EIF2S1: variants seen among roughly 807,000 people sequenced by gnomAD.
The protein encoded by EIF2S1 is eukaryotic translation initiation factor 2 subunit alpha.
A neutral mutation model predicts 33.5 loss-of-function variants in EIF2S1; 5 were observed. The ratio of observed to expected loss-of-function variants is 0.15; its 90% CI spans 0.08 to 0.31. EIF2S1 has a LOEUF of 0.31. Among genes scored for constraint, EIF2S1 ranks in the 10% least tolerant of loss-of-function variants. The pLI, the probability that EIF2S1 is intolerant of heterozygous loss-of-function variation, is 1.00. For synonymous variants in EIF2S1, 99 were observed against 127.5 expected, an observed-to-expected ratio of 0.78 and a Z score of 1.51; for missense variants, 191 against 384.6, an observed-to-expected ratio of 0.50 and a Z score of 4.21.
intron 1 of EIF2S1, chr14:67,364,383 T>G (rs545589627): frequency 6.2e-6 from 1 of 162,504 alleles, no homozygotes; most frequent in East Asian, 1.8e-4. Context: ...AAGAGTAGCT[T>G]TAGTTTTCTG....
At chr14:67,378,879 C>A (rs899012107) in intron 4 of EIF2S1, among the ~76,000 whole-genome samples, 7 of 152,186 alleles carry the variant, frequency 4.6e-5, no homozygotes, top group African/African-American at 1.7e-4. Flanking sequence ...TCAGTGATAA[C>A]CACTATTCTG....
intron 2 of EIF2S1, among the ~76,000 whole-genome samples, chr14:67,367,248 G>A (rs2085785538): frequency 6.6e-6 from 1 of 151,830 alleles, no homozygotes; most frequent in Admixed American, 6.5e-5. Context: ...CTCTTTTTTT[G>A]GGGGATGGAG....
At chr14:67,378,332 T>TG in intron 4 of EIF2S1, among the ~76,000 whole-genome samples, 1 of 150,712 alleles carries the variant, frequency 6.6e-6, no homozygotes, top group African/African-American at 2.4e-5. Context: ...TTTTTTTTTT[T>TG]TTTTTGGTAT....
At chr14:67,381,530 T>C in intron 5 of EIF2S1, 63 bp from the exon 6 acceptor site, 1 of 1,331,850 alleles carries the variant, frequency 7.5e-7, no homozygotes, top group Non-Finnish European at 1.1e-6. Context: ...CGTGTTTGAT[T>C]TCCTTTAAAC....
At chr14:67,371,231 T>C (rs925994719) in intron 2 of EIF2S1, among the ~76,000 whole-genome samples, 4 of 151,810 alleles carry the variant, frequency 2.6e-5, no homozygotes, top group Non-Finnish European at 5.9e-5. Flanking sequence ...CCTGGCAATA[T>C]AGGGAGACCC....
At chr14:67,368,226 C>T (rs923884387) in intron 2 of EIF2S1, among the ~76,000 whole-genome samples, 3 of 152,152 alleles carry the variant, frequency 2.0e-5, no homozygotes, top group African/African-American at 7.2e-5. Context: ...TTGCAGTTGG[C>T]TAGTTTGAAT....
chr14:67,380,715 T>A lies in EIF2S1; in HGVS notation c.530T>A (p.Ile177Asn). The A allele has an allele frequency of 6.3e-7, 1 of 1,586,014 alleles. No individual in the cohort carries two copies. The highest frequency in any genetic ancestry group is 8.6e-7 in the Non-Finnish European group (1 of 1,168,946). ...AATGAAGATGAACGGGAAGTACTCATTAATAATATTAATAGGCGCTTGACC... is the reference window on the plus strand; with the variant it reads ...AATGAAGATGAACGGGAAGTACTCAATAATAATATTAATAGGCGCTTGACC... ...DLNEDEREVL[I>N]NNINRRLTPQ... The change falls in exon 5 of 8, where the codon ATT (isoleucine) becomes AAT (asparagine). Residue 177 changes from isoleucine to asparagine, a missense_variant. Coordinates refer to ENST00000256383, the MANE Select transcript of EIF2S1 (RefSeq NM_004094.5).
intron 4 of EIF2S1, 68 bp downstream of exon 4, chr14:67,376,658 T>C: frequency 1.3e-6 from 2 of 1,522,956 alleles, no homozygotes; most frequent in Non-Finnish European, 1.8e-6. Flanking sequence ...TTTAACAGCA[T>C]AGCATCCATG....
intron 1 of EIF2S1, among the ~76,000 whole-genome samples, chr14:67,362,048 CAG>C (rs2085746322): frequency 7.3e-6 from 1 of 136,592 alleles, no homozygotes; most frequent in South Asian, 2.4e-4. Flanking sequence ...TTTTTTGAGA[CAG>C]AGTCTCTGTT....
At chr14:67,376,153 C>T (rs1410580895) in intron 3 of EIF2S1, among the ~76,000 whole-genome samples, 1 of 130,546 alleles carries the variant, frequency 7.7e-6, no homozygotes, top group Non-Finnish European at 1.5e-5. Flanking sequence ...TATATTTGAT[C>T]TATGCGAGCA....
intron 3 of EIF2S1, 29 bp from the exon 4 acceptor site, chr14:67,376,410 A>T: frequency 6.4e-7 from 1 of 1,556,462 alleles, no homozygotes; most frequent in Non-Finnish European, 8.7e-7. Flanking sequence ...CTTATCTTTG[A>T]ATTGTTGAGC....
In EIF2S1 at chr14:67,364,662, AT is replaced by A. The variant is rs1188750151; in HGVS notation, c.-1-98del. On this transcript the variant is annotated intron_variant, in intron 1 of 7. Coordinates refer to ENST00000256383, the MANE Select transcript of EIF2S1 (RefSeq NM_004094.5). ...GATGAGAAGACTAAGACTAATAACT[AT>A]TTTTTTCTTCATCTTTTCTTTCAGT... 15 of 1,188,090 alleles carry A rather than the reference AT, an allele frequency of 1.3e-5. No homozygotes were observed. In the East Asian group the frequency reaches 2.9e-4, roughly 23 times the overall value. 73.6% of individuals were successfully genotyped at this position (1,188,090 alleles called of 1,614,324 possible). A position where few individuals can be genotyped will look rare whatever the true frequency, so the allele number is the denominator to read the frequency against.
In EIF2S1 at chr14:67,380,727, A is replaced by C; in HGVS notation, c.542A>C (p.Asn181Thr). The C allele has an allele frequency of 6.3e-7, 1 of 1,581,644 alleles. No individual in the cohort carries two copies. Among genetic ancestry groups the C allele is most frequent in the Middle Eastern group, 1.7e-4 (1 of 5,988 alleles). The stretch of plus-strand genomic sequence containing the variant: ...CGGGAAGTACTCATTAATAATATTA[A>C]TAGGCGCTTGACCCCACAGGCTGTC... ...DEREVLINNI[N>T]RRLTPQAVKI... is the part of the protein sequence containing the mutation. Residue 181 changes from asparagine (N) to threonine (T), a missense_variant, in exon 5 of 8, where the codon AAT becomes ACT. Transcript: ENST00000256383.
chr14:67,379,372 C>G (rs1343069681), intron 4 of EIF2S1, among the ~76,000 whole-genome samples: 1 of 152,130 alleles, frequency 6.6e-6, no homozygotes, highest in Non-Finnish European at 1.5e-5. Context: ...GATTTGCATA[C>G]TCCTGATTGT....
chr14:67,379,961 G>T (rs2085879303), intron 4 of EIF2S1, among the ~76,000 whole-genome samples: 1 of 152,020 alleles, frequency 6.6e-6, no homozygotes, highest in Admixed American at 6.6e-5. Flanking sequence ...TTGCTATGTT[G>T]CCTAGACTGG....
chr14:67,383,410 A>T lies in EIF2S1; in HGVS notation c.918A>T (p.Ala306=). 1 of 1,613,688 alleles carries T rather than the reference A, an allele frequency of 6.2e-7. No individual in the cohort carries two copies. The highest frequency in any genetic ancestry group is 8.5e-7 in the Non-Finnish European group (1 of 1,179,652). The change falls in exon 8 of 8, where the codon GCA becomes GCT. Residue 306 remains alanine, a synonymous_variant. Transcript: ENST00000256383. ...CCGAAGTGGATGGAGATGATGATGC[A>T]GAAGAAATGGAAGCCAAAGCTGAAG... ...ENAEVDGDDD[A]EEMEAKAED
At chr14:67,371,553 T>C (rs2085821718) in intron 2 of EIF2S1, among the ~76,000 whole-genome samples, 1 of 152,234 alleles carries the variant, frequency 6.6e-6, no homozygotes. Context: ...ATAGACCTTA[T>C]AGCCTATACA....
chr14:67,363,367 A>G (rs948776299), intron 1 of EIF2S1, among the ~76,000 whole-genome samples: 3 of 152,084 alleles, frequency 2.0e-5, no homozygotes, highest in Non-Finnish European at 4.4e-5. Flanking sequence ...ACTGTCATTA[A>G]TATGCTGCTC....
intron 1 of EIF2S1, among the ~76,000 whole-genome samples, chr14:67,361,012 A>G (rs951774465): frequency 6.6e-6 from 1 of 152,056 alleles, no homozygotes; most frequent in Non-Finnish European, 1.5e-5. Context: ...TTGAACCAAA[A>G]CTAAATGAGA....
Sources: allele counts gnomAD v4.1 joint callset (sites outside exome capture counted in the v4.1 genomes callset), GRCh38; gene constraint gnomAD v4.1.1; transcripts MANE v1.5; gene names NCBI Gene and HGNC (gene_info 2026-07-23, HGNC 2026-07-21).